The following NRG3 variants were observed in gnomAD, a reference collection of about 807,000 sequenced individuals.
NRG3 encodes the protein pro-neuregulin-3, membrane-bound isoform.
A neutral mutation model predicts 66.9 loss-of-function variants in NRG3; 31 were observed. The observed-to-expected ratio is 0.46, with a 90% CI of 0.35 to 0.63. The LOEUF is 0.63. Among genes scored for constraint, NRG3 ranks in the 20% least tolerant of loss-of-function variants. The pLI, the probability that NRG3 is intolerant of heterozygous loss-of-function variation, is 0.00. For missense variants in NRG3, 910 were observed against 878.9 expected, an observed-to-expected ratio of 1.04 and a Z score of -0.45; for synonymous variants, 393 against 359.4, an observed-to-expected ratio of 1.09 and a Z score of -1.06.
In NRG3 at chr10:82,878,594, C is replaced by T. The variant is rs75136997; in HGVS notation, c.1054+13157C>T. 3.7e-3 allele frequency among the ~76,000 whole-genome samples: 564 copies of T among 152,290 alleles called. 2 individuals carry two copies. The highest frequency in any genetic ancestry group is 0.013 in the African/African-American group (532 of 41,576). ...CAGTGAGATGAGTTGCAAAGTGGAC[C>T]TTGAACTGGTCTTCGAGGAAAGAGC... On this transcript the variant is annotated intron_variant, in intron 4 of 8. Coordinates refer to ENST00000372141, the MANE Select transcript of NRG3 (RefSeq NM_001010848.4).
chr10:82,127,384 C>T (rs949304993), intron 1 of NRG3, among the ~76,000 whole-genome samples: 5 of 151,950 alleles, frequency 3.3e-5, no homozygotes, highest in Non-Finnish European at 5.9e-5. Flanking sequence ...CGTTTTAGAA[C>T]GTGGCAAAAC....
chr10:82,223,584 T>C lies in NRG3; in HGVS notation c.824-135155T>C, dbSNP rs1392431101. Among the ~76,000 whole-genome samples the C allele has an allele frequency of 3.3e-5, 5 of 151,108 alleles. No individual in the cohort carries two copies. The East Asian group carries it at 9.8e-4, about 30-fold the overall frequency. On this transcript the variant is annotated intron_variant, in intron 1 of 8. Coordinates refer to ENST00000372141, the MANE Select transcript of NRG3 (RefSeq NM_001010848.4). Reference sequence around the variant, plus strand: ...TTTCCTCCTAAATATACTACTAGGGTTTTTGCTGCCTTTGTGCACTCAGAA... The same window carrying C: ...TTTCCTCCTAAATATACTACTAGGGCTTTTGCTGCCTTTGTGCACTCAGAA...
chr10:81,894,945 C>A (rs528082513), intron 1 of NRG3, among the ~76,000 whole-genome samples: 1 of 152,160 alleles, frequency 6.6e-6, no homozygotes, highest in Non-Finnish European at 1.5e-5. Context: ...GGGTGAACAT[C>A]AAATCACCAG....
At chr10:82,709,110 T>A (rs1016631965) in intron 2 of NRG3, among the ~76,000 whole-genome samples, 2 of 152,174 alleles carry the variant, frequency 1.3e-5, no homozygotes, top group Admixed American at 1.3e-4. Flanking sequence ...TTAGAGCGGC[T>A]CTGTCCAATC....
chr10:82,878,250 G>A (rs182478017), intron 4 of NRG3, among the ~76,000 whole-genome samples: 112 of 152,308 alleles, frequency 7.4e-4, no homozygotes, highest in African/African-American at 2.6e-3. Context: ...GAAGGGGCCA[G>A]AGCAGATTAT....
intron 1 of NRG3, among the ~76,000 whole-genome samples, chr10:81,940,807 T>C (rs1282426550): frequency 6.6e-6 from 1 of 152,094 alleles, no homozygotes; most frequent in Non-Finnish European, 1.5e-5. Context: ...GGGAGCAGAC[T>C]GCATTGGGTC....
At chr10:82,224,992 T>C (rs182017363) in intron 1 of NRG3, among the ~76,000 whole-genome samples, 1 of 151,976 alleles carries the variant, frequency 6.6e-6, no homozygotes, top group East Asian at 1.9e-4. Flanking sequence ...TTATTAAATA[T>C]TAAGGAAAAG....
chr10:82,456,639 C>T (rs1476085488), intron 2 of NRG3, among the ~76,000 whole-genome samples: 9 of 152,052 alleles, frequency 5.9e-5, no homozygotes, highest in Non-Finnish European at 1.3e-4. Flanking sequence ...TGGTGCATGA[C>T]TGTAATTTTG....
intron 2 of NRG3, among the ~76,000 whole-genome samples, chr10:82,687,495 T>C (rs2054602531): frequency 1.3e-5 from 2 of 152,174 alleles, no homozygotes; most frequent in South Asian, 2.1e-4. Context: ...TACAGATCTC[T>C]TATTTCAGCA....
chr10:82,727,980 A>G (rs968494909), intron 2 of NRG3, among the ~76,000 whole-genome samples: 3 of 152,162 alleles, frequency 2.0e-5, no homozygotes, highest in Non-Finnish European at 4.4e-5. Context: ...TTGGACTTGC[A>G]TGGGACCTGT....
In NRG3 at chr10:81,881,193, T is replaced by G. The variant is rs79855196; in HGVS notation, c.823+5030T>G. ...CTTTTGTGTTTTTTTTGTGTTTTTT[T>G]TTTTTGTTTTTTTGCCCTTTTTTCC... On this transcript the variant is annotated intron_variant, in intron 1 of 8. Transcript: ENST00000372141. Among the ~76,000 whole-genome samples the G allele has an allele frequency of 1.8e-3, 270 of 151,442 alleles. 6 individuals are homozygous for G. In the East Asian group the frequency reaches 0.041, roughly 23 times the overall value.
chr10:82,816,288 C>A (rs1187959022), intron 3 of NRG3, among the ~76,000 whole-genome samples: 1 of 152,222 alleles, frequency 6.6e-6, no homozygotes, highest in Admixed American at 6.5e-5. Flanking sequence ...ATGCAGACAA[C>A]TGGAGGGTGA....
intron 2 of NRG3, among the ~76,000 whole-genome samples, chr10:82,591,760 C>A (rs958494781): frequency 1.3e-5 from 2 of 152,126 alleles, no homozygotes; most frequent in African/African-American, 4.8e-5. Flanking sequence ...TCTACTATTC[C>A]CCAAGGATTT....
chr10:81,994,577 C>T (rs7094893), intron 1 of NRG3, among the ~76,000 whole-genome samples: 69,687 of 151,528 alleles, frequency 0.46, 20,192 homozygotes, highest in African/African-American at 0.79. Context: ...GATAGCATGT[C>T]GAATAGTTGG....
chr10:82,339,074 T>C (rs2082540949), intron 1 of NRG3, among the ~76,000 whole-genome samples: 1 of 152,202 alleles, frequency 6.6e-6, no homozygotes, highest in Non-Finnish European at 1.5e-5. Context: ...GGGTACTTTA[T>C]GCAAGAAGAT....
At chr10:82,836,766 G>T (rs1216450249) in intron 3 of NRG3, among the ~76,000 whole-genome samples, 1 of 149,842 alleles carries the variant, frequency 6.7e-6, no homozygotes. Flanking sequence ...AAGTTTTAGG[G>T]TACATGTACA....
Position 82,338,508 on chromosome 10 carries a change from C to T in NRG3, c.824-20231C>T, listed in dbSNP as rs1053927383. On this transcript the variant is annotated intron_variant, in intron 1 of 8. Coordinates refer to ENST00000372141, the MANE Select transcript of NRG3 (RefSeq NM_001010848.4). ...CTGGGAGGCAGACTTGCCTTATTATCTGAACTGATTTCCTCACTTTCCACC... is the reference window on the plus strand; with the variant it reads ...CTGGGAGGCAGACTTGCCTTATTATTTGAACTGATTTCCTCACTTTCCACC... 2.0e-5 allele frequency among the ~76,000 whole-genome samples: 3 copies of T among 152,204 alleles called. No homozygotes were observed. The East Asian group carries it at 5.8e-4, about 29-fold the overall frequency.
chr10:81,962,127 C>G (rs545392084), intron 1 of NRG3, among the ~76,000 whole-genome samples: 1 of 152,286 alleles, frequency 6.6e-6, no homozygotes, highest in East Asian at 1.9e-4. Flanking sequence ...GAAAAAAAGC[C>G]AGGATCTGAA....
chr10:82,928,994 G>A (rs866694037), intron 4 of NRG3, among the ~76,000 whole-genome samples: 1 of 152,132 alleles, frequency 6.6e-6, no homozygotes, highest in African/African-American at 2.4e-5. Flanking sequence ...GTTAAGTGGA[G>A]GAAAAACATG....
Sources: gnomAD v4.1 joint callset for allele counts (sites outside exome capture counted in the v4.1 genomes callset) on GRCh38, gnomAD v4.1.1 for gene constraint, MANE v1.5 for transcripts, NCBI Gene and HGNC (gene_info 2026-07-23, HGNC 2026-07-21) for gene names.